Variants in TBC1D15 observed in about 807,000 individuals in gnomAD.
TBC1D15 encodes the protein GAP for RAB7.
Under a neutral mutation model 95.4 loss-of-function variants are expected in TBC1D15, and 39 were observed. That is an observed-to-expected ratio of 0.41 (90% CI 0.32 to 0.53). The LOEUF (loss-of-function observed/expected upper bound fraction) is 0.53, where lower values mean the gene tolerates loss of function less well. Ranked by LOEUF, TBC1D15 falls within the 20% of genes least tolerant of loss-of-function variation. The probability of loss-of-function intolerance (pLI) is 0.29; values close to 1 mark genes in which losing one functional copy is unlikely to be tolerated. For missense variants in TBC1D15, 733 were observed against 794.3 expected (o/e 0.92, Z 0.93); for synonymous variants, 258 against 261.3 (o/e 0.99, Z 0.12).
intron 14 of TBC1D15, among the ~76,000 whole-genome samples, chr12:71,918,864 T>C (rs1320186182): frequency 6.6e-6 from 1 of 152,232 alleles, no homozygotes; most frequent in East Asian, 1.9e-4. Context: ...TTGCCACATC[T>C]GTTATAGAGG....
chr12:71,839,902 G>C, intron 1 of TBC1D15, 91 bp downstream of exon 1: 1 of 1,500,536 alleles, frequency 6.7e-7, no homozygotes, highest in Non-Finnish European at 9.2e-7. Context: ...GGACACGAGG[G>C]ACTTTCTGTG....
intron 1 of TBC1D15, among the ~76,000 whole-genome samples, chr12:71,859,418 T>C (rs1383374773): frequency 6.6e-6 from 1 of 152,198 alleles, no homozygotes; most frequent in East Asian, 1.9e-4. Flanking sequence ...TTGTTGCTTG[T>C]TTCCTATGCT....
intron 1 of TBC1D15, among the ~76,000 whole-genome samples, chr12:71,845,527 A>G (rs1348313280): frequency 2.0e-5 from 3 of 152,230 alleles, no homozygotes; most frequent in African/African-American, 7.2e-5. Context: ...GATAGAACAC[A>G]TGAGATTAAG....
chr12:71,862,930 C>G (rs1323171881), intron 1 of TBC1D15, among the ~76,000 whole-genome samples: 2 of 152,128 alleles, frequency 1.3e-5, no homozygotes, highest in Non-Finnish European at 2.9e-5. Context: ...GATAAATTCC[C>G]TCAGTTTTCA....
chr12:71,885,443 T>TTA (rs1276414195), intron 5 of TBC1D15, among the ~76,000 whole-genome samples: 1 of 152,218 alleles, frequency 6.6e-6, no homozygotes, highest in Non-Finnish European at 1.5e-5. Flanking sequence ...AGACAGGGCC[T>TTA]TACCACTTTC....
intron 1 of TBC1D15, among the ~76,000 whole-genome samples, chr12:71,840,609 C>G (rs1298450006): frequency 1.3e-5 from 2 of 152,152 alleles, no homozygotes; most frequent in East Asian, 1.9e-4. Flanking sequence ...GATATGCCAC[C>G]GATAGTATTT....
At chr12:71,864,798 CCCGGCCTA>C (rs903160884) in intron 1 of TBC1D15, among the ~76,000 whole-genome samples, 39 of 152,322 alleles carry the variant, frequency 2.6e-4, no homozygotes, top group African/African-American at 8.9e-4. Flanking sequence ...AGCCACCGTG[CCCGGCCTA>C]CCTACAGTTG....
chr12:71,895,884 A>G (rs551546263), intron 7 of TBC1D15, 63 bp from the exon 8 acceptor site: 85 of 1,494,866 alleles, frequency 5.7e-5, no homozygotes, highest in African/African-American at 7.0e-5. Context: ...TTTAGTTTCT[A>G]TATGCCTTTA....
intron 10 of TBC1D15, among the ~76,000 whole-genome samples, chr12:71,901,012 T>C (rs986994518): frequency 1.3e-5 from 2 of 152,028 alleles, no homozygotes; most frequent in African/African-American, 4.8e-5. Flanking sequence ...GGGAAGAGAA[T>C]ATGGCATATG....
chr12:71,869,126 A>ATGTG (rs1330147690), intron 1 of TBC1D15, among the ~76,000 whole-genome samples: 6 of 152,220 alleles, frequency 3.9e-5, no homozygotes, highest in Non-Finnish European at 8.8e-5. Context: ...GCTAAAATCT[A>ATGTG]CTTATTTAAC....
At chr12:71,876,787 A>ATT (rs200390829) in intron 3 of TBC1D15, among the ~76,000 whole-genome samples, 12,069 of 136,042 alleles carry the variant, frequency 0.089, 573 homozygotes, top group East Asian at 0.17. Flanking sequence ...TTTCCCGTGG[A>ATT]TTTTTTTTTT....
chr12:71,891,909 A>AT (rs1416429890), intron 5 of TBC1D15, among the ~76,000 whole-genome samples: 1 of 152,020 alleles, frequency 6.6e-6, no homozygotes, highest in Non-Finnish European at 1.5e-5. Context: ...TTTCATGAGC[A>AT]TTTTTTATTT....
chr12:71,849,295 T>A, intron 1 of TBC1D15: 1 of 928,356 alleles, frequency 1.1e-6, no homozygotes, highest in Non-Finnish European at 1.7e-6. Flanking sequence ...CACGCTTCTA[T>A]CTGCCAGAAG....
rs1350482441 is a variant in TBC1D15 at position 71,884,852 on chromosome 12, C to T, written c.385C>T (p.Leu129=). The T allele has an allele frequency of 6.2e-7, 1 of 1,613,980 alleles. No homozygotes were observed. The highest frequency in any genetic ancestry group is 2.2e-5 in the East Asian group (1 of 44,848). ...HRNGKSKWSF[L]FSLTDLKSIK... ...AAATGGGAAAAGCAAATGGTCATTC[C>T]TGTTCAGTTTGACAGACCTGAAATC... Residue 129 remains leucine (L), a synonymous_variant, in exon 5 of 17, where the codon CTG becomes TTG. Transcript: ENST00000485960.
chr12:71,862,292 T>A (rs1324761642), intron 1 of TBC1D15, among the ~76,000 whole-genome samples: 1 of 152,208 alleles, frequency 6.6e-6, no homozygotes, highest in Non-Finnish European at 1.5e-5. Flanking sequence ...AGTCCCCAAC[T>A]GTTACTGTAT....
chr12:71,915,803 C>CTTA (rs532965476), intron 12 of TBC1D15, among the ~76,000 whole-genome samples: 17 of 152,188 alleles, frequency 1.1e-4, no homozygotes, highest in African/African-American at 3.9e-4. Flanking sequence ...TGTCTGCTAA[C>CTTA]ATCTTTTCTT....
rs1893006875 is a variant in TBC1D15 at position 71,872,975 on chromosome 12, A to T, written c.176A>T (p.Asp59Val). Residue 59 changes from aspartate to valine, a missense_variant, in exon 3 of 17, where the codon GAT becomes GTT. Transcript: ENST00000485960. ...VDWRPLDDAL[D>V]SSSILYARKD... ...TGGAGACCATTGGATGATGCATTAG[A>T]TTCCTCTAGTATTCTCTATGCTAGA... 1 of 1,609,682 alleles carries T rather than the reference A, an allele frequency of 6.2e-7. No individual in the cohort carries two copies. The highest frequency in any genetic ancestry group is 1.3e-5 in the African/African-American group (1 of 74,830).
intron 1 of TBC1D15, among the ~76,000 whole-genome samples, chr12:71,855,604 C>T (rs1429898433): frequency 7.2e-6 from 1 of 139,552 alleles, no homozygotes; most frequent in Non-Finnish European, 1.5e-5. Flanking sequence ...GGAGGCAGAG[C>T]TTGCAGTGAG....
At chr12:71,907,372 A>G (rs1900984991) in intron 11 of TBC1D15, 1 of 307,872 alleles carries the variant, frequency 3.2e-6, no homozygotes, top group African/African-American at 2.1e-5. Flanking sequence ...GGAATTATAA[A>G]GACATCTATA....
Sources: allele counts gnomAD v4.1 joint callset (sites outside exome capture counted in the v4.1 genomes callset), GRCh38; gene constraint gnomAD v4.1.1; transcripts MANE v1.5; gene names NCBI Gene and HGNC (gene_info 2026-07-23, HGNC 2026-07-21).